ZBTB20: variants seen among roughly 807,000 people sequenced by gnomAD.
ZBTB20 encodes zinc finger and BTB domain-containing protein 20.
Under a neutral mutation model 56.9 loss-of-function variants are expected in ZBTB20, and 9 were observed. The observed-to-expected ratio is 0.16, with a 90% CI of 0.10 to 0.28. ZBTB20 has a LOEUF of 0.28. Ranked by LOEUF, ZBTB20 falls within the 10% of genes least tolerant of loss-of-function variation. The pLI is 1.00. For synonymous variants in ZBTB20, 417 were observed against 420.7 expected, an observed-to-expected ratio of 0.99 and a Z score of 0.11; for missense variants, 655 against 1,003.0, an observed-to-expected ratio of 0.65 and a Z score of 4.69.
chr3:114,441,830 C>T (rs2090950083), intron 7 of ZBTB20, among the ~76,000 whole-genome samples: 1 of 151,994 alleles, frequency 6.6e-6, no homozygotes, highest in African/African-American at 2.4e-5. Context: ...AGAGTCCAAA[C>T]CTCCTTTTTG....
At chr3:114,623,713 A>C (rs1303201649) in intron 6 of ZBTB20, among the ~76,000 whole-genome samples, 1 of 152,238 alleles carries the variant, frequency 6.6e-6, no homozygotes, top group Non-Finnish European at 1.5e-5. Context: ...ACAGAAATGC[A>C]TGGAAAGCTG....
intron 4 of ZBTB20, 129 bp from the exon 5 acceptor site, chr3:114,801,303 T>C (rs1430552563): frequency 2.0e-5 from 3 of 149,588 alleles, no homozygotes; most frequent in African/African-American, 7.3e-5. Flanking sequence ...TTTTCTTTTT[T>C]TCTTTTTTTT....
chr3:114,397,159 T>A (rs1339064375), intron 7 of ZBTB20, among the ~76,000 whole-genome samples: 1 of 152,142 alleles, frequency 6.6e-6, no homozygotes, highest in Non-Finnish European at 1.5e-5. Context: ...CAACTGTGAA[T>A]CTGTATCACC....
At chr3:114,361,378 T>A (rs2081864471) in intron 10 of ZBTB20, among the ~76,000 whole-genome samples, 1 of 152,228 alleles carries the variant, frequency 6.6e-6, no homozygotes, top group Admixed American at 6.5e-5. Flanking sequence ...CTGTGATTAC[T>A]AGAGTTCACT....
chr3:114,772,346 A>C (rs1472848054), intron 5 of ZBTB20, among the ~76,000 whole-genome samples: 1 of 152,146 alleles, frequency 6.6e-6, no homozygotes, highest in Non-Finnish European at 1.5e-5. Flanking sequence ...TCTCAAAAAA[A>C]TAAAATAAAA....
chr3:114,761,427 T>C (rs369976849), intron 5 of ZBTB20, among the ~76,000 whole-genome samples: 1 of 152,284 alleles, frequency 6.6e-6, no homozygotes, highest in Non-Finnish European at 1.5e-5. Context: ...AAGCTAGATA[T>C]ACACTATGTG....
At position 114,753,389 on chromosome 3, in the gene ZBTB20, A is replaced by ACG. The variant is rs1228097634; in HGVS notation, c.-343+47711_-343+47712insCG. On this transcript the variant is annotated intron_variant, in intron 5 of 11. Coordinates refer to ENST00000675478, the MANE Select transcript of ZBTB20 (RefSeq NM_001348800.3). ...GTATATATAATGTATATACACATACATGTATGTATATATATACACACACGT... is the reference window on the plus strand; with the variant it reads ...GTATATATAATGTATATACACATACACGTGTATGTATATATATACACACACGT... Among the ~76,000 whole-genome samples the ACG allele has an allele frequency of 1.6e-3, 48 of 30,168 alleles. 3 individuals are homozygous for ACG. Among genetic ancestry groups the ACG allele is most frequent in the Admixed American group, 2.4e-3 (5 of 2,062 alleles). 19.8% of individuals were successfully genotyped at this position (30,168 alleles called of 152,430 possible).
chr3:114,541,872 A>C (rs1196758379), intron 6 of ZBTB20, among the ~76,000 whole-genome samples: 5 of 152,144 alleles, frequency 3.3e-5, no homozygotes, highest in African/African-American at 1.2e-4. Flanking sequence ...TCAGAGTAAG[A>C]ATACCTGCTT....
intron 6 of ZBTB20, among the ~76,000 whole-genome samples, chr3:114,689,937 G>A (rs1027817700): frequency 6.6e-6 from 1 of 151,854 alleles, no homozygotes; most frequent in African/African-American, 2.4e-5. Flanking sequence ...AACCTTTTCT[G>A]ATATTTTAAT....
chr3:114,659,284 A>G (rs936760097), intron 6 of ZBTB20, among the ~76,000 whole-genome samples: 1 of 152,140 alleles, frequency 6.6e-6, no homozygotes, highest in African/African-American at 2.4e-5. Context: ...CTTGTAATCA[A>G]CTTAACTTTT....
chr3:114,928,267 CG>C (rs2076229279), intron 3 of ZBTB20, among the ~76,000 whole-genome samples: 1 of 152,198 alleles, frequency 6.6e-6, no homozygotes, highest in Admixed American at 6.5e-5. Flanking sequence ...CAGGCTTAGC[CG>C]TTTCTAAGTC....
chr3:114,901,881 T>C (rs377327295), intron 3 of ZBTB20, among the ~76,000 whole-genome samples: 3 of 152,144 alleles, frequency 2.0e-5, no homozygotes, highest in Admixed American at 1.3e-4. Flanking sequence ...AATAAGACTT[T>C]GGATGATTTT....
chr3:114,363,596 G>A (rs948923296), intron 10 of ZBTB20, among the ~76,000 whole-genome samples: 4 of 152,174 alleles, frequency 2.6e-5, no homozygotes, highest in Non-Finnish European at 4.4e-5. Flanking sequence ...AAACAAAGGT[G>A]TGTATGCTTC....
chr3:114,602,780 T>A (rs923911881), intron 6 of ZBTB20, among the ~76,000 whole-genome samples: 1 of 152,064 alleles, frequency 6.6e-6, no homozygotes, highest in African/African-American at 2.4e-5. Context: ...AAAACTCATA[T>A]GCTATATAAT....
intron 6 of ZBTB20, among the ~76,000 whole-genome samples, chr3:114,608,254 T>C (rs2107672431): frequency 6.6e-6 from 1 of 152,350 alleles, no homozygotes; most frequent in African/African-American, 2.4e-5. Flanking sequence ...GGATCACTTT[T>C]ATATGAGTAA....
chr3:114,900,635 C>T (rs950573327), intron 3 of ZBTB20: 6 of 149,352 alleles, frequency 4.0e-5, no homozygotes, highest in African/African-American at 1.2e-4. Context: ...CACTAGAGGA[C>T]GAGGCAAACA....
At chr3:114,754,607 A>C (rs2067858297) in intron 5 of ZBTB20, among the ~76,000 whole-genome samples, 1 of 152,224 alleles carries the variant, frequency 6.6e-6, no homozygotes, top group Admixed American at 6.5e-5. Context: ...TATCCTAGTA[A>C]TAACATAATT....
At chr3:114,426,255 C>T (rs542262815) in intron 7 of ZBTB20, among the ~76,000 whole-genome samples, 6 of 146,964 alleles carry the variant, frequency 4.1e-5, no homozygotes, top group South Asian at 2.1e-4. Flanking sequence ...AGGAGAATGG[C>T]GTGAACCTGG....
intron 6 of ZBTB20, among the ~76,000 whole-genome samples, chr3:114,523,685 A>C (rs1315011080): frequency 6.6e-6 from 1 of 152,130 alleles, no homozygotes; most frequent in Non-Finnish European, 1.5e-5. Flanking sequence ...GGTACAGATA[A>C]ATATGGGAGG....
Sources: gnomAD v4.1 joint callset for allele counts (sites outside exome capture counted in the v4.1 genomes callset) on GRCh38, gnomAD v4.1.1 for gene constraint, MANE v1.5 for transcripts, NCBI Gene and HGNC (gene_info 2026-07-23, HGNC 2026-07-21) for gene names.